The following EEF1AKMT1 variants were observed in gnomAD, a reference collection of about 807,000 sequenced individuals.
The protein encoded by EEF1AKMT1 is EEF1A lysine methyltransferase 1, also known as N-6 adenine-specific DNA methyltransferase 2 (putative).
A neutral mutation model predicts 21.0 loss-of-function variants in EEF1AKMT1; 18 were observed. The ratio of observed to expected loss-of-function variants is 0.86; its 90% CI spans 0.59 to 1.27. The LOEUF (loss-of-function observed/expected upper bound fraction) is 1.27. EEF1AKMT1 is among the 50% of genes most tolerant of loss of function. EEF1AKMT1 has a pLI of 0.00. For missense variants in EEF1AKMT1, 246 were observed against 258.6 expected (o/e 0.95, Z 0.33); for synonymous variants, 109 against 94.8 (o/e 1.15, Z -0.87).
rs2058954617 is a variant in EEF1AKMT1 at position 20,753,564 on chromosome 13, A to G, written c.144+3891T>C. 2.0e-5 allele frequency among the ~76,000 whole-genome samples: 3 copies of G among 152,234 alleles called. No homozygotes were observed. The South Asian group carries it at 6.2e-4, about 32-fold the overall frequency. Reference sequence around the variant, plus strand: ...TATTCGTGCCTATCTCTCCTTTTAGATGTAATAAGATCTGCTTTATACCTC... The same window carrying G: ...TATTCGTGCCTATCTCTCCTTTTAGGTGTAATAAGATCTGCTTTATACCTC... On this transcript the variant is annotated intron_variant, in intron 2 of 4. Transcript: ENST00000382758.
At chr13:20,761,592 A>AT (rs2059001889) in intron 1 of EEF1AKMT1, among the ~76,000 whole-genome samples, 1 of 152,054 alleles carries the variant, frequency 6.6e-6, no homozygotes, top group African/African-American at 2.4e-5. Context: ...ATGATGTTGG[A>AT]TTTTATGGTT....
intron 2 of EEF1AKMT1, among the ~76,000 whole-genome samples, chr13:20,741,371 ACTTT>A (rs1431313286): frequency 6.7e-6 from 1 of 149,914 alleles, no homozygotes; most frequent in African/African-American, 2.5e-5. Context: ...TCTTACACCC[ACTTT>A]CTTTCTTTTT....
intron 2 of EEF1AKMT1, among the ~76,000 whole-genome samples, chr13:20,739,963 T>C (rs897940366): frequency 3.3e-5 from 5 of 152,348 alleles, no homozygotes; most frequent in Admixed American, 3.3e-4. Context: ...TTGATGCGAC[T>C]GGGCCCCGCA....
At chr13:20,730,822 C>A (rs750615785) in intron 4 of EEF1AKMT1, among the ~76,000 whole-genome samples, 5 of 152,296 alleles carry the variant, frequency 3.3e-5, no homozygotes, top group Middle Eastern at 3.4e-3. Context: ...AAGCTGGCCA[C>A]CCCGCAGCCA....
intron 1 of EEF1AKMT1, among the ~76,000 whole-genome samples, chr13:20,765,972 A>G (rs2059028907): frequency 6.6e-6 from 1 of 152,108 alleles, no homozygotes; most frequent in South Asian, 2.1e-4. Context: ...TCTAACATCA[A>G]GTAGGCATAT....
chr13:20,740,254 G>C (rs1260620652), intron 2 of EEF1AKMT1, among the ~76,000 whole-genome samples: 1 of 152,236 alleles, frequency 6.6e-6, no homozygotes, highest in African/African-American at 2.4e-5. Flanking sequence ...CACCCACCTG[G>C]AACTCGTGCT....
intron 4 of EEF1AKMT1, among the ~76,000 whole-genome samples, chr13:20,731,422 T>C (rs1302581570): frequency 1.3e-5 from 2 of 152,216 alleles, no homozygotes; most frequent in Non-Finnish European, 2.9e-5. Context: ...AAAAAAAGTA[T>C]AACGATCTCG....
At chr13:20,773,442 C>G (rs539914598) in intron 1 of EEF1AKMT1, among the ~76,000 whole-genome samples, 1 of 152,358 alleles carries the variant, frequency 6.6e-6, no homozygotes, top group African/African-American at 2.4e-5. Context: ...CTCAGAAGCC[C>G]CAGCGACAGG....
At chr13:20,762,282 A>G (rs1241908052) in intron 1 of EEF1AKMT1, among the ~76,000 whole-genome samples, 1 of 151,260 alleles carries the variant, frequency 6.6e-6, no homozygotes. Flanking sequence ...TCCTGGGTTC[A>G]AGCGATTCTC....
intron 4 of EEF1AKMT1, among the ~76,000 whole-genome samples, chr13:20,730,418 T>C (rs916409738): frequency 1.2e-4 from 19 of 152,202 alleles, no homozygotes; most frequent in African/African-American, 4.3e-4. Context: ...GGGACTGGGG[T>C]ATAGCGTCCA....
At chr13:20,767,829 CTTCT>C (rs748938051) in intron 1 of EEF1AKMT1, among the ~76,000 whole-genome samples, 14 of 152,290 alleles carry the variant, frequency 9.2e-5, no homozygotes, top group Non-Finnish European at 2.1e-4. Flanking sequence ...TCATTTTAAA[CTTCT>C]TTCTCTTTGT....
intron 4 of EEF1AKMT1, among the ~76,000 whole-genome samples, chr13:20,730,399 C>A (rs960465182): frequency 3.3e-5 from 5 of 152,204 alleles, no homozygotes; most frequent in Admixed American, 6.5e-5. Context: ...GGGACAAGCG[C>A]GGCCCGGAGG....
chr13:20,732,604 A>G (rs1274308782), intron 3 of EEF1AKMT1, among the ~76,000 whole-genome samples: 3 of 152,214 alleles, frequency 2.0e-5, no homozygotes, highest in African/African-American at 7.2e-5. Flanking sequence ...AAGTGCTGGG[A>G]TTACAGGCAT....
At chr13:20,754,741 C>CAAAAAAA (rs56777421) in intron 2 of EEF1AKMT1, among the ~76,000 whole-genome samples, 1,135 of 115,784 alleles carry the variant, frequency 9.8e-3, no homozygotes, top group Non-Finnish European at 0.013. Context: ...ACCAAAAATA[C>CAAAAAAA]AAAAAAAAAA....
chr13:20,731,195 A>C (rs941741511), intron 4 of EEF1AKMT1, among the ~76,000 whole-genome samples: 10 of 152,218 alleles, frequency 6.6e-5, no homozygotes, highest in African/African-American at 1.7e-4. Flanking sequence ...AAATTTTTGT[A>C]GAGATGGAGT....
At chr13:20,760,399 C>T (rs1016119801) in intron 1 of EEF1AKMT1, among the ~76,000 whole-genome samples, 1 of 152,100 alleles carries the variant, frequency 6.6e-6, no homozygotes, top group Non-Finnish European at 1.5e-5. Context: ...AACATGGATG[C>T]AGCTAGAGGC....
chr13:20,740,087 C>A (rs1595016168), intron 2 of EEF1AKMT1, among the ~76,000 whole-genome samples: 1 of 152,246 alleles, frequency 6.6e-6, no homozygotes, highest in African/African-American at 2.4e-5. Context: ...GGGGAGACAG[C>A]TGAGGGCCGG....
Position 20,737,742 on chromosome 13 carries a change from C to T in EEF1AKMT1, c.208G>A (p.Ala70Thr). ...TCTCACCTGCCACCTTCTCCTACAG[C>T]TGCAATTGCCTCCTGTGCCAGCTGC... Reference protein sequence around the residue: ...ALQLAQEAIAAVGEGGRIACV... With the variant: ...ALQLAQEAIATVGEGGRIACV... Residue 70 changes from alanine (A) to threonine (T), a missense_variant, in exon 3 of 5, where the codon GCT (alanine) becomes ACT (threonine). Physicochemically the swap from Ala to Thr is moderately conservative, Grantham distance 58. Transcript: ENST00000382758. The T allele has an allele frequency of 6.2e-7, 1 of 1,612,834 alleles. No individual in the cohort carries two copies. Among genetic ancestry groups the T allele is most frequent in the Non-Finnish European group, 8.5e-7 (1 of 1,179,460 alleles).
chr13:20,758,696 A>T (rs1242211076), intron 1 of EEF1AKMT1, among the ~76,000 whole-genome samples: 2 of 152,178 alleles, frequency 1.3e-5, no homozygotes, highest in Non-Finnish European at 2.9e-5. Context: ...GGAACTAAAA[A>T]AGAGAATGAA....
Sources: allele counts gnomAD v4.1 joint callset (sites outside exome capture counted in the v4.1 genomes callset), GRCh38; gene constraint gnomAD v4.1.1; transcripts MANE v1.5; gene names NCBI Gene and HGNC (gene_info 2026-07-23, HGNC 2026-07-21).